RAB7A: variants seen among roughly 807,000 people sequenced by gnomAD.
RAB7A encodes the protein RAB7A, member RAS oncogene family, also known as ras-related protein Rab-7a.
A neutral mutation model predicts 24.5 loss-of-function variants in RAB7A; 2 were observed. The observed-to-expected ratio is 0.08, with a 90% CI of 0.03 to 0.26. The LOEUF (loss-of-function observed/expected upper bound fraction) is 0.26. Among genes scored for constraint, RAB7A ranks in the 10% least tolerant of loss-of-function variants. The pLI, the probability that RAB7A is intolerant of heterozygous loss-of-function variation, is 1.00. For missense variants in RAB7A, 118 were observed against 255.7 expected (o/e 0.46, Z 3.67); for synonymous variants, 100 against 95.9 (o/e 1.04, Z -0.25).
chr3:128,807,810 G>A, intron 5 of RAB7A, 139 bp downstream of exon 5: 3 of 1,287,730 alleles, frequency 2.3e-6, no homozygotes, highest in East Asian at 2.4e-5. Flanking sequence ...GTTCATCTGG[G>A]AAGGTTATGA....
intron 1 of RAB7A, among the ~76,000 whole-genome samples, chr3:128,753,949 G>A (rs1382331644): frequency 6.6e-6 from 1 of 151,912 alleles, no homozygotes. Context: ...TGTTGCATTG[G>A]GGATTAAGTT....
intron 3 of RAB7A, 57 bp from the exon 4 acceptor site, chr3:128,806,315 T>C: frequency 6.6e-7 from 1 of 1,504,300 alleles, no homozygotes; most frequent in South Asian, 1.1e-5. Context: ...CTTGCATACA[T>C]GCTCCTGGTG....
chr3:128,761,220 G>T (rs1216335540), intron 1 of RAB7A, among the ~76,000 whole-genome samples: 1 of 152,132 alleles, frequency 6.6e-6, no homozygotes, highest in Non-Finnish European at 1.5e-5. Flanking sequence ...TCCTCTTTGG[G>T]AAGCGTTCTT....
chr3:128,807,732 G>T (rs1933836089), intron 5 of RAB7A, 61 bp downstream of exon 5: 2 of 1,610,916 alleles, frequency 1.2e-6, no homozygotes, highest in African/African-American at 2.7e-5. Flanking sequence ...CCCAGTCCCT[G>T]CCTGGCCTCC....
chr3:128,798,114 TTTAGTC>T, intron 3 of RAB7A, 45 bp downstream of exon 3: 1 of 1,605,798 alleles, frequency 6.2e-7, no homozygotes, highest in Non-Finnish European at 8.5e-7. Context: ...TGATAGTTCA[TTTAGTC>T]TTAATCTTTC....
At chr3:128,796,913 C>T (rs1243689397) in intron 2 of RAB7A, among the ~76,000 whole-genome samples, 1 of 152,172 alleles carries the variant, frequency 6.6e-6, no homozygotes, top group African/African-American at 2.4e-5. Context: ...GTCCACTCGT[C>T]TCGACCTCCC....
chr3:128,753,796 C>G (rs1161480740), intron 1 of RAB7A, among the ~76,000 whole-genome samples: 1 of 152,004 alleles, frequency 6.6e-6, no homozygotes, highest in Non-Finnish European at 1.5e-5. Flanking sequence ...CATGAAAGCC[C>G]CACCTCTTTA....
At chr3:128,762,440 C>T (rs920530363) in intron 1 of RAB7A, among the ~76,000 whole-genome samples, 13 of 152,132 alleles carry the variant, frequency 8.5e-5, no homozygotes, top group African/African-American at 3.1e-4. Context: ...TAAAATTCCT[C>T]CCCGTCACAG....
intron 3 of RAB7A, among the ~76,000 whole-genome samples, chr3:128,803,096 C>CA (rs1365804942): frequency 6.6e-6 from 1 of 152,172 alleles, no homozygotes; most frequent in East Asian, 1.9e-4. Flanking sequence ...AGGCATGAGC[C>CA]ACTGCGCTCA....
At chr3:128,745,447 T>C (rs2070603043) in intron 1 of RAB7A, among the ~76,000 whole-genome samples, 2 of 152,228 alleles carry the variant, frequency 1.3e-5, no homozygotes, top group Admixed American at 6.5e-5. Context: ...CACTGCAGCC[T>C]CTGCCTCCCT....
At chr3:128,744,876 CT>C (rs1242538121) in intron 1 of RAB7A, among the ~76,000 whole-genome samples, 236 of 139,278 alleles carry the variant, frequency 1.7e-3, no homozygotes, top group South Asian at 2.3e-3. Flanking sequence ...TTTTCTTTTT[CT>C]TTTTTTTTTT....
chr3:128,758,047 C>G lies in RAB7A; in HGVS notation c.-9+31688C>G, dbSNP rs1039331331. 5.9e-5 allele frequency among the ~76,000 whole-genome samples: 9 copies of G among 152,082 alleles called. 1 individual carries two copies. The highest frequency in any genetic ancestry group is 3.9e-4 in the Admixed American group (6 of 15,276). ...GTGCGATTGTAGCTCACTCTAACTT[C>G]AAAGTTCTGGGCTCAAGCAGTCTTC... is the stretch of plus-strand genomic sequence containing the variant. On this transcript the variant is annotated intron_variant, in intron 1 of 5. Coordinates refer to ENST00000265062, the MANE Select transcript of RAB7A (RefSeq NM_004637.6).
chr3:128,742,223 C>A (rs2070561786), intron 1 of RAB7A, among the ~76,000 whole-genome samples: 1 of 152,030 alleles, frequency 6.6e-6, no homozygotes, highest in African/African-American at 2.4e-5. Flanking sequence ...TTGTTTATTC[C>A]CCCCGGTGGG....
chr3:128,762,231 G>T (rs2070780905), intron 1 of RAB7A, among the ~76,000 whole-genome samples: 1 of 152,192 alleles, frequency 6.6e-6, no homozygotes, highest in Non-Finnish European at 1.5e-5. Flanking sequence ...CTAGGCTACA[G>T]ATAGACTTTC....
chr3:128,745,990 C>G (rs374752085), intron 1 of RAB7A, among the ~76,000 whole-genome samples: 1 of 152,228 alleles, frequency 6.6e-6, no homozygotes, highest in Non-Finnish European at 1.5e-5. Context: ...ACCTGCCATG[C>G]TGTATTGTCA....
intron 1 of RAB7A, among the ~76,000 whole-genome samples, chr3:128,774,637 G>C (rs990621784): frequency 1.3e-5 from 2 of 152,128 alleles, no homozygotes; most frequent in African/African-American, 2.4e-5. Flanking sequence ...GCAGTGGCAC[G>C]GTCTTGGCTC....
chr3:128,813,652 G>A lies in RAB7A; in HGVS notation c.*230G>A, dbSNP rs751015573. The A allele has an allele frequency of 8.8e-6, 5 of 565,552 alleles. No homozygotes were observed. The highest frequency in any genetic ancestry group is 3.3e-5 in the East Asian group (1 of 30,098). The allele number at this position is 565,552 out of a possible 1,614,324, so 35.0% of individuals were successfully genotyped here. On this transcript the variant is annotated 3_prime_UTR_variant, in exon 6 of 6. Coordinates refer to ENST00000265062, the MANE Select transcript of RAB7A (RefSeq NM_004637.6). ...CGTAATCAAACTCCAGCCCTTGCCC[G>A]TGATGGCTCCTTGGGGTCTGCCTGC...
chr3:128,801,002 G>A (rs1203987022), intron 3 of RAB7A, among the ~76,000 whole-genome samples: 1 of 152,142 alleles, frequency 6.6e-6, no homozygotes, highest in East Asian at 1.9e-4. Context: ...TGTGTTTTTC[G>A]AGGGCTTTTA....
intron 1 of RAB7A, among the ~76,000 whole-genome samples, chr3:128,758,405 T>C (rs1163373979): frequency 6.6e-6 from 1 of 151,126 alleles, no homozygotes; most frequent in African/African-American, 2.4e-5. Context: ...CCCGAGTAGG[T>C]GGGACTACAG....
Sources: gnomAD v4.1 joint callset for allele counts (sites outside exome capture counted in the v4.1 genomes callset) on GRCh38, gnomAD v4.1.1 for gene constraint, MANE v1.5 for transcripts, NCBI Gene and HGNC (gene_info 2026-07-23, HGNC 2026-07-21) for gene names.